The following BFSP2 variants were observed in gnomAD, a reference collection of about 807,000 sequenced individuals.
BFSP2 encodes beaded filament structural protein 2.
In BFSP2, 38 loss-of-function variants were observed where a neutral mutation model predicts 44.9. That is an observed-to-expected ratio of 0.85 (90% CI 0.65 to 1.11). The LOEUF is 1.11. Ranked by LOEUF, BFSP2 falls within the 50% of genes least tolerant of loss-of-function variation. BFSP2 has a pLI of 0.00. For missense variants in BFSP2, 525 were observed against 533.0 expected, an observed-to-expected ratio of 0.99 and a Z score of 0.15; for synonymous variants, 197 against 209.9, an observed-to-expected ratio of 0.94 and a Z score of 0.53.
chr3:133,425,160 C>T (rs996205139), intron 1 of BFSP2, among the ~76,000 whole-genome samples: 4 of 152,036 alleles, frequency 2.6e-5, no homozygotes, highest in Non-Finnish European at 5.9e-5. Flanking sequence ...GCACAGGTTT[C>T]GGTTTTATTA....
chr3:133,470,293 C>A (rs2074150014), intron 5 of BFSP2, among the ~76,000 whole-genome samples: 1 of 152,194 alleles, frequency 6.6e-6, no homozygotes, highest in Admixed American at 6.5e-5. Context: ...GTGATCCATG[C>A]TAACAGCAGT....
chr3:133,457,956 G>T (rs1390279464), intron 4 of BFSP2, among the ~76,000 whole-genome samples: 1 of 152,124 alleles, frequency 6.6e-6, no homozygotes, highest in Non-Finnish European at 1.5e-5. Flanking sequence ...CACTAACATG[G>T]TATACCTCTC....
chr3:133,410,319 C>T (rs2073438182), intron 1 of BFSP2: 1 of 367,762 alleles, frequency 2.7e-6, no homozygotes, highest in Admixed American at 3.2e-5. Context: ...GTGCAGGTGG[C>T]AGCAGTGGCA....
chr3:133,425,930 GGAAGGC>G (rs2073646022), intron 1 of BFSP2, among the ~76,000 whole-genome samples: 1 of 37,180 alleles, frequency 2.7e-5, no homozygotes, highest in African/African-American at 1.9e-4. Flanking sequence ...GGAAGGCTAG[GGAAGGC>G]AAGGGAAGGG....
chr3:133,432,757 C>A (rs373213592), intron 1 of BFSP2, among the ~76,000 whole-genome samples: 1 of 152,172 alleles, frequency 6.6e-6, no homozygotes, highest in East Asian at 1.9e-4. Flanking sequence ...CCCTGCCGAT[C>A]GTGTCCGACT....
chr3:133,475,148 T>A lies in BFSP2; in HGVS notation c.*176T>A. ...GATCCTTCTGCTTTAATCTGAGTAG[T>A]CTGTAGCTTGAGCAATCTCCCTTGT... On this transcript the variant is annotated 3_prime_UTR_variant, in exon 7 of 7. Transcript: ENST00000302334. 1 of 861,014 alleles carries A rather than the reference T, an allele frequency of 1.2e-6. No individual in the cohort carries two copies. The highest frequency in any genetic ancestry group is 1.5e-5 in the South Asian group (1 of 67,996). 53.3% of individuals were successfully genotyped at this position (861,014 alleles called of 1,614,324 possible). A position where few individuals can be genotyped will look rare whatever the true frequency, so the allele number is the denominator to read the frequency against.
intron 2 of BFSP2, 40 bp downstream of exon 2, chr3:133,447,439 C>A: frequency 6.3e-7 from 1 of 1,586,192 alleles, no homozygotes; most frequent in Non-Finnish European, 8.6e-7. Flanking sequence ...CTCCACATCC[C>A]TAGACTCCTA....
At chr3:133,413,409 C>T (rs2073475361) in intron 1 of BFSP2, among the ~76,000 whole-genome samples, 1 of 152,080 alleles carries the variant, frequency 6.6e-6, no homozygotes, top group Non-Finnish European at 1.5e-5. Flanking sequence ...TAAAGGGCTA[C>T]ACTCTCCAGA....
At chr3:133,444,480 A>G (rs78039258) in intron 1 of BFSP2, among the ~76,000 whole-genome samples, 3,862 of 152,264 alleles carry the variant, frequency 0.025, 110 homozygotes, top group South Asian at 0.091. Context: ...GCCAGTTTCC[A>G]GAATAAGAAA....
intron 1 of BFSP2, 60 bp from the exon 2 acceptor site, chr3:133,447,257 G>T: frequency 6.4e-7 from 1 of 1,569,312 alleles, no homozygotes; most frequent in Non-Finnish European, 8.8e-7. Context: ...AAGTCATGGT[G>T]GTAAGTGATC....
At chr3:133,415,206 C>A (rs2073507514) in intron 1 of BFSP2, among the ~76,000 whole-genome samples, 1 of 124,220 alleles carries the variant, frequency 8.1e-6, no homozygotes, top group South Asian at 3.2e-4. Flanking sequence ...CCCCTCTACT[C>A]ACCTTTGCCC....
chr3:133,408,414 A>C (rs1383418578), intron 1 of BFSP2, among the ~76,000 whole-genome samples: 1 of 152,242 alleles, frequency 6.6e-6, no homozygotes, highest in Non-Finnish European at 1.5e-5. Context: ...TGATGGGAAT[A>C]GAAAATGTTA....
chr3:133,410,597 G>A, intron 1 of BFSP2: 1 of 292,158 alleles, frequency 3.4e-6, no homozygotes, highest in Non-Finnish European at 6.9e-6. Context: ...CAAGTGGGCA[G>A]CACTCAAATC....
chr3:133,410,763 G>T, intron 1 of BFSP2: 1 of 218,058 alleles, frequency 4.6e-6, no homozygotes, highest in South Asian at 9.2e-5. Context: ...ATCCCATGGT[G>T]ACAGCACAAA....
chr3:133,461,394 C>T (rs1325187716), intron 4 of BFSP2, among the ~76,000 whole-genome samples: 3 of 152,298 alleles, frequency 2.0e-5, no homozygotes, highest in African/African-American at 7.2e-5. Context: ...TGCACTCCTA[C>T]CCTGCTGGAG....
rs569370409 is a variant in BFSP2 at position 133,408,189 on chromosome 3, ACT to A, written c.489+7620_489+7621del. On this transcript the variant is annotated intron_variant, in intron 1 of 6. Transcript: ENST00000302334. ...TTTGAGGTTAAAAAAAGCCGATAGC[ACT>A]CTTTTATTTTTAAATGTTAGAGATA... is the stretch of plus-strand genomic sequence containing the variant. Among the ~76,000 whole-genome samples the A allele has an allele frequency of 2.0e-4, 30 of 152,224 alleles. 1 individual carries two copies. The South Asian group carries it at 5.2e-3, about 26-fold the overall frequency.
intron 1 of BFSP2, among the ~76,000 whole-genome samples, chr3:133,409,172 A>G (rs533944636): frequency 1.3e-5 from 2 of 152,062 alleles, no homozygotes; most frequent in Non-Finnish European, 2.9e-5. Flanking sequence ...AAAACCCAAC[A>G]ATTTTTCAGT....
At chr3:133,455,654 T>C (rs2127240) in intron 4 of BFSP2, 84,371 of 152,008 alleles carry the variant, frequency 0.56, 27,000 homozygotes, top group Non-Finnish European at 0.72. Context: ...GCAGAGATCA[T>C]GGAGGCCATC....
At chr3:133,419,241 A>G (rs2073571333) in intron 1 of BFSP2, among the ~76,000 whole-genome samples, 1 of 152,146 alleles carries the variant, frequency 6.6e-6, no homozygotes, top group Non-Finnish European at 1.5e-5. Context: ...CCTTTCTCCA[A>G]ATACAGTCAC....
Sources: gnomAD v4.1 joint callset for allele counts (sites outside exome capture counted in the v4.1 genomes callset) on GRCh38, gnomAD v4.1.1 for gene constraint, MANE v1.5 for transcripts, NCBI Gene and HGNC (gene_info 2026-07-23, HGNC 2026-07-21) for gene names.